COPS5: variants seen among roughly 807,000 people sequenced by gnomAD.
COPS5 encodes COP9 signalosome subunit 5.
A neutral mutation model predicts 44.4 loss-of-function variants in COPS5; 8 were observed. The observed-to-expected ratio is 0.18, with a 90% CI of 0.11 to 0.32. The LOEUF is 0.32. COPS5 is among the 10% of genes least tolerant of loss of function. COPS5 has a pLI of 1.00. For synonymous variants in COPS5, 122 were observed against 142.8 expected (o/e 0.85, Z 1.04); for missense variants, 159 against 406.4 (o/e 0.39, Z 5.23).
intron 1 of COPS5, chr8:67,059,709 G>C (rs1345871871): frequency 1.3e-5 from 5 of 386,848 alleles, no homozygotes; most frequent in Non-Finnish European, 4.8e-6. Context: ...GGAGTAACAT[G>C]ACCAGTTCAA....
chr8:67,051,531 T>G (rs1804412450), intron 5 of COPS5, among the ~76,000 whole-genome samples, 190 bp from the exon 6 acceptor site: 1 of 152,242 alleles, frequency 6.6e-6, no homozygotes, highest in South Asian at 2.1e-4. Flanking sequence ...AATCTCCTAC[T>G]AAACTTCTTG....
intron 3 of COPS5, 41 bp from the exon 4 acceptor site, chr8:67,057,486 G>A (rs780089428): frequency 2.2e-6 from 3 of 1,345,680 alleles, no homozygotes; most frequent in Non-Finnish European, 3.2e-6. Context: ...ATATAAAACT[G>A]TATGCCTTTT....
chr8:67,051,186 CT>C, intron 6 of COPS5, 43 bp downstream of exon 6: 1 of 1,231,910 alleles, frequency 8.1e-7, no homozygotes. Context: ...GGCTATGAAG[CT>C]TAGATAAAAT....
At chr8:67,043,397 A>G in intron 7 of COPS5, 80 bp from the exon 8 acceptor site, 4 of 798,008 alleles carry the variant, frequency 5.0e-6, no homozygotes, top group Non-Finnish European at 8.3e-6. Flanking sequence ...CAATCCATCC[A>G]TGTAACTCCA....
At chr8:67,052,784 C>T (rs1346005242) in intron 5 of COPS5, among the ~76,000 whole-genome samples, 1 of 146,570 alleles carries the variant, frequency 6.8e-6, no homozygotes, top group East Asian at 2.1e-4. Context: ...CGCGCCACTG[C>T]ACTCCAGCCT....
Position 67,051,214 on chromosome 8 carries a change from CAAGTA to C in COPS5, c.771+11_771+15del, listed in dbSNP as rs781180564. On this transcript the variant is annotated intron_variant, in intron 6 of 7. Coordinates refer to ENST00000357849, the MANE Select transcript of COPS5 (RefSeq NM_006837.3). Reference sequence around the variant, plus strand: ...AGATAAAATTCAAATGCATTCTTTACAAGTATAGTACTTACAGTAAGCAAGCTAGA... The same window carrying C: ...AGATAAAATTCAAATGCATTCTTTACTAGTACTTACAGTAAGCAAGCTAGA... 7.2e-7 allele frequency: 1 copy of C among 1,398,214 alleles called. No individual in the cohort carries two copies. Among genetic ancestry groups the C allele is most frequent in the South Asian group, 1.2e-5 (1 of 86,758 alleles). 86.6% of individuals were successfully genotyped at this position (1,398,214 alleles called of 1,614,324 possible).
intron 5 of COPS5, among the ~76,000 whole-genome samples, chr8:67,054,827 C>A (rs1371169265): frequency 1.3e-5 from 2 of 151,892 alleles, no homozygotes; most frequent in African/African-American, 2.4e-5. Context: ...TGTGGCATGC[C>A]CTGTTTTAAA....
rs1253508090 is a variant in COPS5, at chr8:67,055,845, A to T, written c.659+674T>A. On this transcript the variant is annotated intron_variant, in intron 5 of 7. Coordinates refer to ENST00000357849, the MANE Select transcript of COPS5 (RefSeq NM_006837.3). ...CACGCCACTGCACTCCAGCCTGGGC[A>T]ACAGAGCAAGACTATGTCTTGGGGG... is the stretch of plus-strand genomic sequence containing the variant. 5.5e-5 allele frequency among the ~76,000 whole-genome samples: 7 copies of T among 127,096 alleles called. No individual in the cohort carries two copies. In the East Asian group the frequency reaches 1.7e-3, roughly 30 times the overall value. The allele number at this position is 127,096 out of a possible 152,430, so 83.4% of individuals were successfully genotyped here. A position where few individuals can be genotyped will look rare whatever the true frequency, so the allele number is the denominator to read the frequency against.
intron 1 of COPS5, chr8:67,059,657 G>A: frequency 1.9e-6 from 1 of 530,446 alleles, no homozygotes; most frequent in Non-Finnish European, 3.4e-6. Context: ...TTAGGGGAGG[G>A]GAAAAGTCTG....
intron 1 of COPS5, chr8:67,061,386 T>C (rs763097805): frequency 1.1e-5 from 5 of 452,858 alleles, no homozygotes; most frequent in Middle Eastern, 3.3e-4. Flanking sequence ...AGGCAGAAGC[T>C]CGAGATCAGC....
At chr8:67,060,199 T>C (rs904351525) in intron 1 of COPS5, 1 of 323,100 alleles carries the variant, frequency 3.1e-6, no homozygotes, top group African/African-American at 2.2e-5. Context: ...ATTAAACTCT[T>C]GAATAAAATT....
intron 6 of COPS5, among the ~76,000 whole-genome samples, chr8:67,048,452 C>G (rs1391006054): frequency 6.6e-6 from 1 of 151,772 alleles, no homozygotes; most frequent in Non-Finnish European, 1.5e-5. Flanking sequence ...CGCGGTGGCT[C>G]ACGCCTGTAA....
At chr8:67,044,372 A>G (rs1324344493) in intron 7 of COPS5, 1 of 152,112 alleles carries the variant, frequency 6.6e-6, no homozygotes, top group African/African-American at 2.4e-5. Flanking sequence ...TATGCAGGCC[A>G]CTAGCTCTAC....
At chr8:67,058,279 A>C in intron 2 of COPS5, 68 bp from the exon 3 acceptor site, 1 of 1,491,330 alleles carries the variant, frequency 6.7e-7, no homozygotes, top group Non-Finnish European at 9.2e-7. Context: ...CCAGTACAAT[A>C]AGGGTAACCA....
chr8:67,052,203 T>A (rs1388347140), intron 5 of COPS5, among the ~76,000 whole-genome samples: 1 of 151,974 alleles, frequency 6.6e-6, no homozygotes, highest in African/African-American at 2.4e-5. Context: ...AAAGGCAAGG[T>A]GTAGGGTAAA....
chr8:67,056,446 TG>T, intron 5 of COPS5, 72 bp downstream of exon 5: 1 of 494,560 alleles, frequency 2.0e-6, no homozygotes, highest in Non-Finnish European at 3.8e-6. Flanking sequence ...CCTCTCACTG[TG>T]GCTTCCCAAA....
At chr8:67,043,386 C>T (rs1816660575) in intron 7 of COPS5, 69 bp from the exon 8 acceptor site, 4 of 919,986 alleles carry the variant, frequency 4.3e-6, no homozygotes, top group Non-Finnish European at 6.9e-6. Flanking sequence ...AAGATCAGCC[C>T]CAATCCATCC....
rs186752011 is a variant in COPS5 at position 67,051,170 on chromosome 8, T to C, written c.771+60A>G. 1.5e-4 allele frequency: 170 copies of C among 1,106,036 alleles called. No individual in the cohort carries two copies. The African/African-American group carries it at 2.4e-3, about 15-fold the overall frequency. 68.5% of individuals were successfully genotyped at this position (1,106,036 alleles called of 1,614,324 possible). On this transcript the variant is annotated intron_variant, in intron 6 of 7. Transcript: ENST00000357849. ...TTTCTGTGAAACAGTGTTTCAGATA[T>C]TAAACGGCTATGAAGCTTAGATAAA...
intron 6 of COPS5, among the ~76,000 whole-genome samples, chr8:67,049,132 C>G (rs1299185877): frequency 6.6e-6 from 1 of 152,184 alleles, no homozygotes; most frequent in Non-Finnish European, 1.5e-5. Flanking sequence ...TGATTTACTT[C>G]AGTCTACATA....
Sources: allele counts gnomAD v4.1 joint callset (sites outside exome capture counted in the v4.1 genomes callset), GRCh38; gene constraint gnomAD v4.1.1; transcripts MANE v1.5; gene names NCBI Gene and HGNC (gene_info 2026-07-23, HGNC 2026-07-21).